The following CDKL3 variants were observed in gnomAD, a reference collection of about 807,000 sequenced individuals.
The protein encoded by CDKL3 is cyclin dependent kinase like 3.
In CDKL3, 65 loss-of-function variants were observed where a neutral mutation model predicts 69.3. That is an observed-to-expected ratio of 0.94 (90% CI 0.77 to 1.15). CDKL3 has a LOEUF of 1.15. Ranked by LOEUF, CDKL3 falls within the 50% of genes most tolerant of loss-of-function variation. CDKL3 has a pLI of 0.00. For synonymous variants in CDKL3, 202 were observed against 221.6 expected (o/e 0.91, Z 0.79); for missense variants, 652 against 689.2 (o/e 0.95, Z 0.61).
At chr5:134,366,928 A>C in intron 1 of CDKL3, 49 bp downstream of exon 1, 1 of 992,450 alleles carries the variant, frequency 1.0e-6, no homozygotes. Flanking sequence ...GTCCTAAAAA[A>C]AGCCTGGTCT....
chr5:134,317,341 G>A (rs1328666598), intron 6 of CDKL3, among the ~76,000 whole-genome samples: 1 of 152,084 alleles, frequency 6.6e-6, no homozygotes, highest in Non-Finnish European at 1.5e-5. Context: ...TCATCATGTT[G>A]GTCTGGCTCG....
intron 3 of CDKL3, among the ~76,000 whole-genome samples, chr5:134,355,182 A>G (rs1244585249): frequency 2.0e-5 from 3 of 150,540 alleles, no homozygotes; most frequent in Non-Finnish European, 3.0e-5. Flanking sequence ...GCAGTGAGCT[A>G]AGATCATGCC....
intron 4 of CDKL3, among the ~76,000 whole-genome samples, chr5:134,344,915 A>T (rs974652381): frequency 6.6e-6 from 1 of 152,002 alleles, no homozygotes; most frequent in African/African-American, 2.4e-5. Flanking sequence ...ACAAAAAAAA[A>T]TTAGCCGGGT....
intron 6 of CDKL3, among the ~76,000 whole-genome samples, chr5:134,317,839 T>A (rs1346399842): frequency 1.3e-5 from 2 of 151,864 alleles, no homozygotes; most frequent in Non-Finnish European, 2.9e-5. Context: ...GCTCAGGAAG[T>A]CGGAACTGCA....
downstream of CDKL3, among the ~76,000 whole-genome samples, chr5:134,285,152 A>G (rs1276001756): frequency 6.6e-6 from 1 of 152,160 alleles, no homozygotes; most frequent in Non-Finnish European, 1.5e-5. Flanking sequence ...TGAGTCTACC[A>G]TTCTGGGGTC....
intron 4 of CDKL3, among the ~76,000 whole-genome samples, chr5:134,329,386 A>G (rs1775182955): frequency 6.6e-6 from 1 of 152,112 alleles, no homozygotes; most frequent in Non-Finnish European, 1.5e-5. Flanking sequence ...TGGTAAAGGT[A>G]ATTATGTAAT....
chr5:134,298,773 C>G (rs1765580270), intron 12 of CDKL3, 63 bp from the exon 13 acceptor site: 3 of 1,570,754 alleles, frequency 1.9e-6, no homozygotes, highest in African/African-American at 2.8e-5. Flanking sequence ...GCTACCAAAA[C>G]TCTGACTTTA....
At chr5:134,311,922 G>A (rs529441549) in intron 7 of CDKL3, among the ~76,000 whole-genome samples, 1 of 152,224 alleles carries the variant, frequency 6.6e-6, no homozygotes, top group South Asian at 2.1e-4. Context: ...AGCCTCCCGA[G>A]TAGCTGGGAC....
At chr5:134,343,990 G>A (rs1303198758) in intron 4 of CDKL3, among the ~76,000 whole-genome samples, 1 of 152,206 alleles carries the variant, frequency 6.6e-6, no homozygotes, top group Admixed American at 6.5e-5. Context: ...CCCTTGAGCA[G>A]TTACACTTAC....
chr5:134,339,210 C>T (rs889301033), intron 4 of CDKL3, among the ~76,000 whole-genome samples: 2 of 151,888 alleles, frequency 1.3e-5, no homozygotes, highest in Admixed American at 6.6e-5. Flanking sequence ...TAAACGTTAA[C>T]AGATTAACCA....
chr5:134,301,287 T>C lies in CDKL3; in HGVS notation c.1719+1303A>G, dbSNP rs188627758. On this transcript the variant is annotated intron_variant, in intron 12 of 12. Transcript: ENST00000265334. ...TGCTGGGATTACAGGTGTGAGCCAC[T>C]GTGCCCGGCCTAATGGCATTCTTGT... Among the ~76,000 whole-genome samples the C allele has an allele frequency of 4.4e-3, 677 of 152,230 alleles. 4 individuals are homozygous for C. Among genetic ancestry groups the C allele is most frequent in the African/African-American group, 0.013 (521 of 41,560 alleles).
intron 4 of CDKL3, among the ~76,000 whole-genome samples, chr5:134,340,443 A>T (rs1750195479): frequency 6.6e-6 from 1 of 152,200 alleles, no homozygotes; most frequent in Non-Finnish European, 1.5e-5. Context: ...TTTTTTGTAA[A>T]TCAACAAAAT....
chr5:134,328,274 G>A (rs1317750450), intron 4 of CDKL3, among the ~76,000 whole-genome samples: 2 of 152,094 alleles, frequency 1.3e-5, no homozygotes, highest in Non-Finnish European at 2.9e-5. Flanking sequence ...AAGAAGAAAG[G>A]TATGACAGTG....
upstream of CDKL3, chr5:134,371,594 G>A (rs375951755): frequency 1.5e-5 from 24 of 1,612,742 alleles, no homozygotes; most frequent in Non-Finnish European, 1.8e-5. Context: ...CAGCTGCGGA[G>A]CATGTCGACC....
chr5:134,366,615 T>C (rs1757500977), intron 1 of CDKL3, 71 bp from the exon 2 acceptor site: 4 of 925,296 alleles, frequency 4.3e-6, no homozygotes, highest in Middle Eastern at 2.2e-4. Flanking sequence ...AACTAGATAA[T>C]GCATATCCAC....
intron 10 of CDKL3, among the ~76,000 whole-genome samples, chr5:134,306,355 G>C (rs1057319826): frequency 3.3e-5 from 5 of 151,980 alleles, no homozygotes; most frequent in African/African-American, 1.2e-4. Context: ...AAATTAGCTG[G>C]GCATGGTGGC....
At chr5:134,371,390 G>A (rs1259395826), upstream of CDKL3, 13 of 695,018 alleles carry the variant, frequency 1.9e-5, no homozygotes, top group Admixed American at 5.9e-5. Context: ...TCCTCCCCCA[G>A]CACTCACACT....
chr5:134,296,396 A>C (rs1280710601), downstream of CDKL3, among the ~76,000 whole-genome samples: 1 of 152,204 alleles, frequency 6.6e-6, no homozygotes, highest in African/African-American at 2.4e-5. Flanking sequence ...GTACAACACA[A>C]GACAGTCATA....
intron 2 of CDKL3, among the ~76,000 whole-genome samples, chr5:134,361,940 T>A (rs1756134927): frequency 6.6e-6 from 1 of 152,024 alleles, no homozygotes; most frequent in African/African-American, 2.4e-5. Flanking sequence ...ACCATATTAA[T>A]CCTCTACTTA....
Sources: gnomAD v4.1 joint callset for allele counts (sites outside exome capture counted in the v4.1 genomes callset) on GRCh38, gnomAD v4.1.1 for gene constraint, MANE v1.5 for transcripts, NCBI Gene and HGNC (gene_info 2026-07-23, HGNC 2026-07-21) for gene names.